Variants in DNAH8 observed in about 807,000 individuals in gnomAD.
DNAH8 encodes dynein axonemal heavy chain 8.
DNAH8 carries 382 observed loss-of-function variants against 562.1 expected under a neutral mutation model. That is an observed-to-expected ratio of 0.68 (90% confidence interval 0.63 to 0.74). DNAH8 has a LOEUF of 0.74. Ranked by LOEUF, DNAH8 falls within the 30% of genes least tolerant of loss-of-function variation. DNAH8 has a pLI of 0.00. For missense variants in DNAH8, 5,203 were observed against 5,620.4 expected (o/e 0.93, Z 2.37); for synonymous variants, 1,881 against 1,919.4 (o/e 0.98, Z 0.52).
At chr6:38,715,960 A>ATATATATTTTTTTTT (rs1372342002) in intron 1 of DNAH8, among the ~76,000 whole-genome samples, 1 of 23,636 alleles carries the variant, frequency 4.2e-5, no homozygotes, top group African/African-American at 3.6e-4. Context: ...ATATATATAT[A>ATATATATTTTTTTTT]TTTTTTTTTT....
intron 52 of DNAH8, 33 bp from the exon 53 acceptor site, chr6:38,875,558 T>C: frequency 3.1e-6 from 4 of 1,285,762 alleles, no homozygotes; most frequent in Middle Eastern, 2.8e-4. Context: ...AAAATTTTAA[T>C]TTAAAAATTT....
At chr6:38,744,851 C>T (rs1764801264) in intron 8 of DNAH8, among the ~76,000 whole-genome samples, 1 of 152,164 alleles carries the variant, frequency 6.6e-6, no homozygotes, top group African/African-American at 2.4e-5. Context: ...TCCTGCCTCA[C>T]ACTCCCAAAG....
At chr6:38,908,376 G>C (rs901059464) in intron 64 of DNAH8, among the ~76,000 whole-genome samples, 1 of 152,136 alleles carries the variant, frequency 6.6e-6, no homozygotes, top group Non-Finnish European at 1.5e-5. Context: ...TGTTTGAATT[G>C]TAAGGGACTT....
At chr6:38,881,294 C>T (rs1778458062) in intron 53 of DNAH8, among the ~76,000 whole-genome samples, 1 of 152,090 alleles carries the variant, frequency 6.6e-6, no homozygotes. Flanking sequence ...ATTGTTTCAC[C>T]AATATCAATG....
rs146364074 is a variant in DNAH8, at chr6:38,829,045, T to C, written c.4188+757T>C. On this transcript the variant is annotated intron_variant, in intron 30 of 92. Coordinates refer to ENST00000327475, the MANE Select transcript of DNAH8 (RefSeq NM_001206927.2). ...CATAATTTTTCAAAGTTCATCCATA[T>C]TGTCCATGTGCGAGGACTTCATTTT... is the stretch of plus-strand genomic sequence containing the variant. 7.2e-3 allele frequency among the ~76,000 whole-genome samples: 1,098 copies of C among 152,334 alleles called. 15 individuals are homozygous for C. The highest frequency in any genetic ancestry group is 0.024 in the African/African-American group (1,018 of 41,582).
rs532968224 is a variant in DNAH8 at position 38,898,313 on chromosome 6, A to G, written c.8996A>G (p.Asn2999Ser). The G allele has an allele frequency of 4.4e-6, 7 of 1,591,306 alleles. No homozygotes were observed. Among genetic ancestry groups the G allele is most frequent in the East Asian group, 2.3e-5 (1 of 43,418 alleles). The change falls in exon 61 of 93, where the codon AAT becomes AGT. Residue 2999 changes from asparagine (N) to serine (S), a missense_variant. Transcript: ENST00000327475. Reference protein sequence around the residue: ...EKLQFYQRQFNEIIRGTSLDL... With the variant: ...EKLQFYQRQFSEIIRGTSLDL... Reference sequence around the variant, plus strand: ...CTCCAGTTTTACCAGAGACAGTTCAATGAAATCATTAGAGGAACATCTCTT... The same window carrying G: ...CTCCAGTTTTACCAGAGACAGTTCAGTGAAATCATTAGAGGAACATCTCTT...
rs1763929974 is a variant in DNAH8 at position 38,734,534 on chromosome 6, A to G, written c.671A>G (p.Asp224Gly). ...KGAKMMKLYI[D>G]NAAPDKLKGL... Reference sequence around the variant, plus strand: ...GCAAAAATGATGAAATTGTATATAGACAATGCAGCCCCGGATAAACTAAAA... The same window carrying G: ...GCAAAAATGATGAAATTGTATATAGGCAATGCAGCCCCGGATAAACTAAAA... Residue 224 changes from aspartate to glycine, a missense_variant, in exon 5 of 93, where the codon GAC becomes GGC. Asp to Gly is a moderately conservative substitution (Grantham distance 94). This residue lies in a region of DNAH8 where 556 missense variants were observed against 496.9 expected (regional missense o/e 1.12). Transcript: ENST00000327475. 2 of 1,613,872 alleles carry G rather than the reference A, an allele frequency of 1.2e-6. No individual in the cohort carries two copies. The highest frequency in any genetic ancestry group is 1.3e-5 in the African/African-American group (1 of 74,920).
intron 84 of DNAH8, among the ~76,000 whole-genome samples, chr6:38,974,082 C>T (rs1763517807): frequency 6.6e-6 from 1 of 152,070 alleles, no homozygotes; most frequent in Non-Finnish European, 1.5e-5. Context: ...TGAACTTTGC[C>T]CCCACTTTAT....
intron 13 of DNAH8, among the ~76,000 whole-genome samples, chr6:38,776,835 T>A (rs1351309666): frequency 6.6e-6 from 1 of 152,172 alleles, no homozygotes; most frequent in Admixed American, 6.5e-5. Flanking sequence ...TCAGTTACTC[T>A]CTACTGTTAA....
At position 38,828,215 on chromosome 6, in the gene DNAH8, T is replaced by C; in HGVS notation, c.4115T>C (p.Val1372Ala). Residue 1372 changes from valine to alanine, a missense_variant, in exon 30 of 93, where the codon GTT (valine) becomes GCT (alanine). Physicochemically the swap from Val to Ala is moderately conservative, Grantham distance 64 (BLOSUM62 0). Around this residue, in one of 6 missense-constraint regions of DNAH8, gnomAD observed 2,176 missense variants for 2,365.1 expected, o/e 0.92. Transcript: ENST00000327475. ...TATGCTATTTTAAACAGATTTGAAG[T>C]TGAAGTAACCAAAGAAGAATCAGAA... ...EAYAILNRFE[V>A]EVTKEESEAV... 1 of 1,596,452 alleles carries C rather than the reference T, an allele frequency of 6.3e-7. No individual in the cohort carries two copies. Among genetic ancestry groups the C allele is most frequent in the Non-Finnish European group, 8.5e-7 (1 of 1,173,028 alleles).
At chr6:39,018,967 T>A (rs1049957143) in intron 91 of DNAH8, among the ~76,000 whole-genome samples, 4 of 152,210 alleles carry the variant, frequency 2.6e-5, no homozygotes, top group African/African-American at 9.7e-5. Context: ...TGAGTATGCA[T>A]AACATGGATA....
chr6:38,963,214 A>G (rs1414225458), intron 82 of DNAH8, among the ~76,000 whole-genome samples: 2 of 147,796 alleles, frequency 1.4e-5, no homozygotes, highest in African/African-American at 4.9e-5. Flanking sequence ...TGGGGACTAT[A>G]GCATTCCACT....
intron 88 of DNAH8, among the ~76,000 whole-genome samples, chr6:39,001,617 G>T (rs527845662): frequency 7.9e-5 from 12 of 152,194 alleles, no homozygotes; most frequent in African/African-American, 2.9e-4. Context: ...CACAGCACAG[G>T]GTAGAGTGTG....
chr6:38,921,345 C>T (rs1485835963), intron 70 of DNAH8, 24 bp from the exon 71 acceptor site: 1 of 1,608,926 alleles, frequency 6.2e-7, no homozygotes, highest in Non-Finnish European at 8.5e-7. Flanking sequence ...AGCTAATACA[C>T]TAACCACGTC....
At position 38,984,223 on chromosome 6, in the gene DNAH8, G is replaced by A. The variant is rs114095356; in HGVS notation, c.12969G>A (p.Thr4323=). ...TAATAAAGGGTGTATCATGGAATAC[G>A]GTTCGGTACATGATCGGAGAAGTAC... ...CDIKKGVSWN[T]VRYMIGEVQY... The change falls in exon 87 of 93, where the codon ACG becomes ACA. Residue 4323 remains threonine (T), a synonymous_variant. Transcript: ENST00000327475. The A allele has an allele frequency of 5.0e-4, 801 of 1,592,166 alleles. 4 individuals carry two copies. The African/African-American group carries it at 7.5e-3, about 15-fold the overall frequency.
At chr6:38,923,421 T>C in intron 72 of DNAH8, 1 of 390,248 alleles carries the variant, frequency 2.6e-6, no homozygotes. Context: ...TGATATTGTT[T>C]GGATTTGCCA....
chr6:38,999,457 A>G (rs992415071), intron 88 of DNAH8, among the ~76,000 whole-genome samples: 3 of 151,572 alleles, frequency 2.0e-5, no homozygotes, highest in African/African-American at 7.3e-5. Flanking sequence ...TTTTCTTAGC[A>G]TGAATGGAAA....
chr6:38,956,431 T>C (rs1268857389), intron 82 of DNAH8, among the ~76,000 whole-genome samples: 2 of 152,140 alleles, frequency 1.3e-5, no homozygotes, highest in East Asian at 1.9e-4. Flanking sequence ...GGAAACTAAT[T>C]TGTGCAGAGA....
chr6:38,732,152 C>T lies in DNAH8; in HGVS notation c.610+2166C>T, dbSNP rs181184367. On this transcript the variant is annotated intron_variant, in intron 4 of 92. Coordinates refer to ENST00000327475, the MANE Select transcript of DNAH8 (RefSeq NM_001206927.2). ...GCCTAGACATTTTTCTGTGTCATTA[C>T]GTAAAGATTTACCTCATTCAAAAAA... Among the ~76,000 whole-genome samples the T allele has an allele frequency of 1.2e-3, 179 of 152,270 alleles. 1 individual carries two copies. Among genetic ancestry groups the T allele is most frequent in the African/African-American group, 3.8e-3 (159 of 41,554 alleles).
Sources: gnomAD v4.1 joint callset for allele counts (sites outside exome capture counted in the v4.1 genomes callset) on GRCh38, gnomAD v4.1.1 for gene constraint, gnomAD v4.1.1 regional missense constraint, MANE v1.5 for transcripts, NCBI Gene and HGNC (gene_info 2026-07-23, HGNC 2026-07-21) for gene names.